Variants in THEMIS observed in about 807,000 individuals in gnomAD.
THEMIS encodes protein THEMIS.
Under a neutral mutation model 52.6 loss-of-function variants are expected in THEMIS, and 37 were observed. The observed-to-expected ratio is 0.70, with a 90% confidence interval of 0.54 to 0.93. The LOEUF is 0.93. Ranked by LOEUF, THEMIS falls within the 40% of genes least tolerant of loss-of-function variation. The probability of loss-of-function intolerance (pLI) is 0.00; values close to 1 mark genes in which losing one functional copy is unlikely to be tolerated. For synonymous variants in THEMIS, 292 were observed against 272.7 expected, an observed-to-expected ratio of 1.07 and a Z score of -0.70; for missense variants, 808 against 763.1, an observed-to-expected ratio of 1.06 and a Z score of -0.69.
intron 4 of THEMIS, among the ~76,000 whole-genome samples, chr6:127,742,316 A>G (rs1177784242): frequency 6.7e-6 from 1 of 148,334 alleles, no homozygotes; most frequent in African/African-American, 2.5e-5. Flanking sequence ...CTCTGCTTAA[A>G]AAAAAAAAAA....
At chr6:127,721,466 C>T (rs1280090731) in intron 4 of THEMIS, among the ~76,000 whole-genome samples, 1 of 151,966 alleles carries the variant, frequency 6.6e-6, no homozygotes, top group African/African-American at 2.4e-5. Context: ...TCTTACATTG[C>T]TTATGCAGAT....
chr6:127,750,712 G>T (rs1775611674), intron 4 of THEMIS, among the ~76,000 whole-genome samples: 1 of 151,686 alleles, frequency 6.6e-6, no homozygotes, highest in South Asian at 2.1e-4. Flanking sequence ...CATTAAAGTA[G>T]AATAAAGAAG....
chr6:127,813,540 C>G lies in THEMIS; in HGVS notation c.1101G>C (p.Val367=), dbSNP rs10872326. The change falls in exon 4 of 6, where the codon GTG becomes GTC. Residue 367 remains valine (V), a synonymous_variant. Coordinates refer to ENST00000368248, the MANE Select transcript of THEMIS (RefSeq NM_001010923.3). ...IAKSEKEPLH[V]VATKAFHSPH... ...GGGAATGAAACGCTTTGGTGGCCAC[C>G]ACGTGAAGAGGCTCCTTTTCACTCT... 84,300 of 1,613,148 alleles carry G rather than the reference C, an allele frequency of 0.052. 2,391 individuals carry two copies. The highest frequency in any genetic ancestry group is 0.063 in the South Asian group (5,741 of 90,952).
At chr6:127,883,573 A>G (rs404528) in intron 1 of THEMIS, among the ~76,000 whole-genome samples, 40,022 of 151,804 alleles carry the variant, frequency 0.26, 5,821 homozygotes, top group Middle Eastern at 0.42. Flanking sequence ...ACAGACTCCC[A>G]TACTTGGTTT....
chr6:127,820,662 T>C (rs903075326), intron 3 of THEMIS, among the ~76,000 whole-genome samples: 2 of 152,110 alleles, frequency 1.3e-5, no homozygotes, highest in Non-Finnish European at 2.9e-5. Context: ...TCTACCTTTC[T>C]TTCTATACTA....
At chr6:127,712,293 C>A (rs1008665174) in intron 5 of THEMIS, among the ~76,000 whole-genome samples, 3 of 151,794 alleles carry the variant, frequency 2.0e-5, no homozygotes, top group Admixed American at 1.3e-4. Context: ...GTCAGCTCAC[C>A]CTGCCTGATC....
chr6:127,777,897 G>T (rs1023758805), intron 4 of THEMIS, among the ~76,000 whole-genome samples: 7 of 152,078 alleles, frequency 4.6e-5, no homozygotes, highest in Admixed American at 4.6e-4. Context: ...TTCCAGAGGG[G>T]TGACTAGGTT....
chr6:127,800,983 T>C (rs1240768160), intron 4 of THEMIS, among the ~76,000 whole-genome samples: 4 of 152,172 alleles, frequency 2.6e-5, no homozygotes, highest in Non-Finnish European at 4.4e-5. Context: ...TGAAGTTCTT[T>C]CGTTGGTTTT....
chr6:127,792,161 G>A (rs188323493), intron 4 of THEMIS, among the ~76,000 whole-genome samples: 11 of 152,294 alleles, frequency 7.2e-5, no homozygotes, highest in Admixed American at 3.9e-4. Flanking sequence ...GTCATGCAGC[G>A]GCCACTCAAG....
rs903223860 is a variant in THEMIS at position 127,722,712 on chromosome 6, C to A, written c.1759-2889G>T. 3.9e-5 allele frequency among the ~76,000 whole-genome samples: 6 copies of A among 151,928 alleles called. 1 individual carries two copies. The highest frequency in any genetic ancestry group is 1.5e-5 in the Non-Finnish European group (1 of 67,944). On this transcript the variant is annotated intron_variant, in intron 4 of 5. Coordinates refer to ENST00000368248, the MANE Select transcript of THEMIS (RefSeq NM_001010923.3). ...TGAGTGTTGTCCGTTGCAACCTTAC[C>A]TCCTTGCAAAACATGTCTGCTACTT...
At chr6:127,814,724 G>A (rs1583308469) in intron 3 of THEMIS, among the ~76,000 whole-genome samples, 2 of 152,082 alleles carry the variant, frequency 1.3e-5, no homozygotes, top group Non-Finnish European at 2.9e-5. Context: ...ATGGATATCT[G>A]TATTTTTTCC....
chr6:127,870,690 T>A (rs947487770), intron 1 of THEMIS, among the ~76,000 whole-genome samples: 32 of 152,046 alleles, frequency 2.1e-4, no homozygotes, highest in African/African-American at 7.5e-4. Flanking sequence ...AGCAGCAATA[T>A]CAATACCAAA....
intron 1 of THEMIS, among the ~76,000 whole-genome samples, chr6:127,887,280 C>T (rs1380195541): frequency 1.3e-5 from 2 of 152,100 alleles, no homozygotes; most frequent in Admixed American, 6.6e-5. Context: ...AGAAAAAGTA[C>T]TCAACATTAG....
At chr6:127,841,964 C>T (rs145939016) in intron 2 of THEMIS, among the ~76,000 whole-genome samples, 6 of 151,830 alleles carry the variant, frequency 4.0e-5, no homozygotes, top group Admixed American at 6.6e-5. Context: ...CCTTGGATAG[C>T]GAATTATCTA....
intron 1 of THEMIS, among the ~76,000 whole-genome samples, chr6:127,909,368 G>A (rs757104399): frequency 6.6e-6 from 1 of 152,040 alleles, no homozygotes; most frequent in Non-Finnish European, 1.5e-5. Flanking sequence ...AATCATGGGG[G>A]CAGTTTCATC....
intron 4 of THEMIS, among the ~76,000 whole-genome samples, chr6:127,808,104 A>G (rs969971531): frequency 3.3e-5 from 5 of 152,212 alleles, no homozygotes; most frequent in Admixed American, 6.5e-5. Flanking sequence ...CTCAGGCAGC[A>G]AAGTGGACAC....
chr6:127,723,446 G>T (rs1006500655), intron 4 of THEMIS, among the ~76,000 whole-genome samples: 3 of 151,904 alleles, frequency 2.0e-5, no homozygotes, highest in Admixed American at 6.6e-5. Flanking sequence ...AGGTCTCAAG[G>T]TTCTGTTATT....
At chr6:127,903,531 C>A (rs899791254), upstream of THEMIS, among the ~76,000 whole-genome samples, 12 of 151,660 alleles carry the variant, frequency 7.9e-5, no homozygotes, top group African/African-American at 2.7e-4. Flanking sequence ...ATTTCCCTAA[C>A]TTTCCATGCA....
chr6:127,871,210 A>G (rs1380457920), intron 1 of THEMIS, among the ~76,000 whole-genome samples: 1 of 152,120 alleles, frequency 6.6e-6, no homozygotes, highest in Non-Finnish European at 1.5e-5. Flanking sequence ...AAAATGAAAC[A>G]CAACACCTCC....
Sources: gnomAD v4.1 joint callset for allele counts (sites outside exome capture counted in the v4.1 genomes callset) on GRCh38, gnomAD v4.1.1 for gene constraint, MANE v1.5 for transcripts, NCBI Gene and HGNC (gene_info 2026-07-23, HGNC 2026-07-21) for gene names.